The following KATNAL2 variants were observed in gnomAD, a reference collection of about 807,000 sequenced individuals.
KATNAL2 encodes katanin p60 ATPase-containing subunit A-like 2.
Under a neutral mutation model 76.3 loss-of-function variants are expected in KATNAL2, and 52 were observed. The ratio of observed to expected loss-of-function variants is 0.68; its 90% CI spans 0.55 to 0.86. The LOEUF (loss-of-function observed/expected upper bound fraction) is 0.86, where lower values mean the gene tolerates loss of function less well. Among genes scored for constraint, KATNAL2 ranks in the 40% least tolerant of loss-of-function variants. The pLI, the probability that KATNAL2 is intolerant of heterozygous loss-of-function variation, is 0.00. For missense variants in KATNAL2, 660 were observed against 668.9 expected (o/e 0.99, Z 0.15); for synonymous variants, 243 against 244.2 (o/e 1.00, Z 0.05).
chr18:46,926,729 TG>T (rs1347498715), intron 1 of KATNAL2, among the ~76,000 whole-genome samples: 2 of 152,144 alleles, frequency 1.3e-5, no homozygotes, highest in East Asian at 3.9e-4. Context: ...TAAGTCTCTT[TG>T]TAGGTCACAA....
At chr18:46,962,185 G>C (rs1378449395) in intron 3 of KATNAL2, among the ~76,000 whole-genome samples, 4 of 142,010 alleles carry the variant, frequency 2.8e-5, no homozygotes, top group African/African-American at 1.2e-4. Context: ...ATCTTTTGTG[G>C]AGACGGGGTT....
chr18:46,949,437 G>C (rs1428475093), intron 3 of KATNAL2, among the ~76,000 whole-genome samples: 1 of 152,102 alleles, frequency 6.6e-6, no homozygotes, highest in East Asian at 1.9e-4. Context: ...ATTTTTTGTA[G>C]AGTTTCACCA....
chr18:46,958,803 A>G (rs150402548), intron 3 of KATNAL2, among the ~76,000 whole-genome samples: 12 of 152,382 alleles, frequency 7.9e-5, no homozygotes, highest in African/African-American at 2.9e-4. Context: ...AAAAATAATT[A>G]GAGTCAATGC....
intron 3 of KATNAL2, 115 bp downstream of exon 3, chr18:46,947,038 G>T: frequency 2.5e-6 from 2 of 787,368 alleles, no homozygotes; most frequent in South Asian, 3.0e-5. Context: ...CTAGAGAAGC[G>T]CAAACGCAGT....
intron 11 of KATNAL2, among the ~76,000 whole-genome samples, chr18:47,068,660 G>C (rs4986227): frequency 0.67 from 102,327 of 152,034 alleles, 34,906 homozygotes; most frequent in African/African-American, 0.79. Context: ...CCACATTCCC[G>C]AGATTGTTTG....
At position 47,069,264 on chromosome 18, in the gene KATNAL2, A is replaced by G. The variant is rs1324853763; in HGVS notation, c.870A>G (p.Leu290=). The G allele has an allele frequency of 1.2e-6, 2 of 1,610,810 alleles. No homozygotes were observed. The highest frequency in any genetic ancestry group is 1.7e-6 in the Non-Finnish European group (2 of 1,178,546). ...FTGILSPWKG[L]LLYGPPGTGK... is the part of the protein sequence containing the mutation. Reference sequence around the variant, plus strand: ...GAATTCTTTCTCCCTGGAAAGGACTACTGCTGTACGGCCCTCCAGGTAAAC... The same window carrying G: ...GAATTCTTTCTCCCTGGAAAGGACTGCTGCTGTACGGCCCTCCAGGTAAAC... Residue 290 remains leucine (L), a synonymous_variant, in exon 12 of 18, where the codon CTA becomes CTG. Transcript: ENST00000683218.
At chr18:46,950,825 C>T (rs1032144583) in intron 3 of KATNAL2, among the ~76,000 whole-genome samples, 2 of 152,108 alleles carry the variant, frequency 1.3e-5, no homozygotes, top group South Asian at 2.1e-4. Context: ...GCTGGGGCTA[C>T]AGGCGCCCAC....
intron 1 of KATNAL2, among the ~76,000 whole-genome samples, chr18:46,935,706 A>T (rs1048645082): frequency 4.6e-5 from 7 of 152,160 alleles, no homozygotes; most frequent in Non-Finnish European, 7.4e-5. Flanking sequence ...TCGCAAAGTC[A>T]GGTGTTCGAG....
intron 1 of KATNAL2, among the ~76,000 whole-genome samples, chr18:46,933,156 A>G (rs1418058787): frequency 2.0e-5 from 3 of 152,214 alleles, no homozygotes; most frequent in African/African-American, 7.2e-5. Context: ...ATAACTTGGT[A>G]ATTTGATCCA....
chr18:46,918,254 C>A (rs1211581527), intron 1 of KATNAL2, among the ~76,000 whole-genome samples: 3 of 152,086 alleles, frequency 2.0e-5, no homozygotes, highest in African/African-American at 7.2e-5. Context: ...GTCAAGATGG[C>A]CAGAAAAATC....
intron 4 of KATNAL2, among the ~76,000 whole-genome samples, chr18:47,047,569 G>A (rs540402894): frequency 2.6e-5 from 4 of 152,334 alleles, no homozygotes; most frequent in Admixed American, 2.0e-4. Context: ...AGCAATTACA[G>A]TAAGGGCTGC....
intron 4 of KATNAL2, among the ~76,000 whole-genome samples, chr18:47,050,857 A>G (rs1599668797): frequency 6.6e-6 from 1 of 152,310 alleles, no homozygotes; most frequent in East Asian, 1.9e-4. Context: ...GAATAGACCG[A>G]TGTGATGTAA....
chr18:47,055,840 G>A (rs896204680), intron 6 of KATNAL2, among the ~76,000 whole-genome samples: 6 of 152,210 alleles, frequency 3.9e-5, no homozygotes, highest in Non-Finnish European at 5.9e-5. Context: ...AAGGAGCACC[G>A]TGGCACATTT....
rs73954220 is a variant in KATNAL2, at chr18:47,066,726, T to G, written c.727-295T>G. On this transcript the variant is annotated intron_variant, in intron 10 of 17. Transcript: ENST00000683218. ...CAGGTAGAGTCTGTTGTTAGGAGAT[T>G]TTTTTTTCTCTCTGAAAAATACCAC... Among the ~76,000 whole-genome samples the G allele has an allele frequency of 4.6e-3, 688 of 150,994 alleles. 6 individuals are homozygous for G. Among genetic ancestry groups the G allele is most frequent in the African/African-American group, 0.016 (656 of 41,222 alleles).
intron 3 of KATNAL2, among the ~76,000 whole-genome samples, chr18:46,957,347 G>A (rs1341152798): frequency 7.2e-6 from 1 of 139,548 alleles, no homozygotes; most frequent in African/African-American, 2.7e-5. Context: ...TCCGCCCCCC[G>A]GGGTTCACGC....
chr18:47,094,647 G>A (rs1475572358), intron 15 of KATNAL2, among the ~76,000 whole-genome samples: 1 of 152,294 alleles, frequency 6.6e-6, no homozygotes, highest in South Asian at 2.1e-4. Flanking sequence ...ACTGTGTTGG[G>A]GAACTCCCAA....
At chr18:47,038,362 A>G (rs2060851255) in intron 3 of KATNAL2, among the ~76,000 whole-genome samples, 1 of 152,226 alleles carries the variant, frequency 6.6e-6, no homozygotes, top group African/African-American at 2.4e-5. Context: ...GAAGGAAATA[A>G]TTCTGACAAA....
At chr18:47,058,464 T>G in intron 7 of KATNAL2, 112 bp downstream of exon 7, 2 of 644,148 alleles carry the variant, frequency 3.1e-6, no homozygotes. Flanking sequence ...AAAATTGCTG[T>G]GTGATCTAAT....
chr18:47,070,525 G>T (rs1413492846), intron 13 of KATNAL2, among the ~76,000 whole-genome samples: 2 of 152,082 alleles, frequency 1.3e-5, no homozygotes, highest in Non-Finnish European at 2.9e-5. Context: ...TATGGTTTAG[G>T]TCCCAGTGTA....
Sources: gnomAD v4.1 joint callset for allele counts (sites outside exome capture counted in the v4.1 genomes callset) on GRCh38, gnomAD v4.1.1 for gene constraint, MANE v1.5 for transcripts, NCBI Gene and HGNC (gene_info 2026-07-23, HGNC 2026-07-21) for gene names.